The following ADGRB3 variants were observed in gnomAD, a reference collection of about 807,000 sequenced individuals.
ADGRB3 encodes brain-specific angiogenesis inhibitor 3.
ADGRB3 carries 37 observed loss-of-function variants against 193.4 expected under a neutral mutation model. That is an observed-to-expected ratio of 0.19 (90% confidence interval 0.15 to 0.25). The LOEUF (loss-of-function observed/expected upper bound fraction) is 0.25, where lower values mean the gene tolerates loss of function less well. Among genes scored for constraint, ADGRB3 ranks in the 10% least tolerant of loss-of-function variants. The pLI is 1.00. For synonymous variants in ADGRB3, 690 were observed against 644.2 expected (o/e 1.07, Z -1.08); for missense variants, 1,637 against 1,852.9 (o/e 0.88, Z 2.14).
chr6:69,220,414 A>G (rs1371254129), intron 17 of ADGRB3, among the ~76,000 whole-genome samples: 1 of 152,166 alleles, frequency 6.6e-6, no homozygotes, highest in African/African-American at 2.4e-5. Flanking sequence ...CTCCTGGATT[A>G]TGACTGTTAT....
chr6:68,641,862 A>G (rs142850478), intron 3 of ADGRB3, among the ~76,000 whole-genome samples: 7 of 152,116 alleles, frequency 4.6e-5, no homozygotes, highest in African/African-American at 1.4e-4. Flanking sequence ...ATATTATGAT[A>G]TATAAAATAC....
At chr6:68,742,436 A>G (rs564185897) in intron 3 of ADGRB3, among the ~76,000 whole-genome samples, 6 of 152,184 alleles carry the variant, frequency 3.9e-5, no homozygotes, top group African/African-American at 1.4e-4. Context: ...TAAAAGCACT[A>G]TCTATATTAA....
intron 3 of ADGRB3, among the ~76,000 whole-genome samples, chr6:68,869,701 C>T (rs1355960555): frequency 2.7e-5 from 4 of 147,206 alleles, no homozygotes; most frequent in African/African-American, 7.6e-5. Flanking sequence ...ATTTTAAATT[C>T]CAGTTTTATG....
At chr6:69,093,058 G>A (rs968423310) in intron 17 of ADGRB3, among the ~76,000 whole-genome samples, 5 of 151,488 alleles carry the variant, frequency 3.3e-5, no homozygotes, top group African/African-American at 1.2e-4. Context: ...GGGGTGGGCA[G>A]CCTAGTTTCA....
rs746274970 is a variant in ADGRB3 at position 69,239,151 on chromosome 6, A to G, written c.2739A>G (p.Ile913Met). The change falls in exon 20 of 32, where the codon ATA becomes ATG. Residue 913 changes from isoleucine to methionine, a missense_variant. Transcript: ENST00000370598. ...ACATACGCTCTGAGAGATCCATAATACTAATTAACTTCTGCCTGTCTATCA... is the reference window on the plus strand; with the variant it reads ...ACATACGCTCTGAGAGATCCATAATGCTAATTAACTTCTGCCTGTCTATCA... ...WRYIRSERSI[I>M]LINFCLSIIS... The G allele has an allele frequency of 1.9e-6, 3 of 1,603,550 alleles. No homozygotes were observed. The South Asian group carries it at 3.3e-5, about 18-fold the overall frequency.
rs533372710 is a variant in ADGRB3 at position 68,679,721 on chromosome 6, CT to C, written c.757+40298del. 4.8e-3 allele frequency among the ~76,000 whole-genome samples: 717 copies of C among 150,784 alleles called. 5 individuals carry two copies. The highest frequency in any genetic ancestry group is 8.0e-3 in the Non-Finnish European group (542 of 67,626). ...AAGTGGCTCTGATAAGCAGGGCCAT[CT>C]TTTTTTTTAATAGAGAAACAAGTAA... On this transcript the variant is annotated intron_variant, in intron 3 of 31. Coordinates refer to ENST00000370598, the MANE Select transcript of ADGRB3 (RefSeq NM_001704.3).
rs140082487 is a variant in ADGRB3, at chr6:69,351,369, G to A, written c.3460-2864G>A. Reference sequence around the variant, plus strand: ...TGCCTCCCAAAGTGCTGGAATTGCAGGCATGAGCCACCACGCCCTGCCCCC... The same window carrying A: ...TGCCTCCCAAAGTGCTGGAATTGCAAGCATGAGCCACCACGCCCTGCCCCC... On this transcript the variant is annotated intron_variant, in intron 26 of 31. Transcript: ENST00000370598. 1.4e-3 allele frequency among the ~76,000 whole-genome samples: 210 copies of A among 152,032 alleles called. 6 individuals carry two copies. In the East Asian group the frequency reaches 0.038, roughly 27 times the overall value.
chr6:69,025,412 C>T (rs866828923), intron 13 of ADGRB3, among the ~76,000 whole-genome samples: 8 of 151,900 alleles, frequency 5.3e-5, no homozygotes, highest in Admixed American at 2.0e-4. Context: ...TCCTTTGTGT[C>T]GCTGCTTAGT....
intron 3 of ADGRB3, among the ~76,000 whole-genome samples, chr6:68,883,521 C>T (rs1562070228): frequency 1.3e-5 from 2 of 152,168 alleles, no homozygotes; most frequent in African/African-American, 2.4e-5. Context: ...AGCTGTAACA[C>T]TCACCACAAA....
At chr6:69,222,004 T>C (rs910477501) in intron 17 of ADGRB3, among the ~76,000 whole-genome samples, 9 of 152,194 alleles carry the variant, frequency 5.9e-5, no homozygotes, top group Non-Finnish European at 7.3e-5. Context: ...AAGAAATTCA[T>C]GGTGAAAATC....
At chr6:68,814,507 A>G (rs1767586487) in intron 3 of ADGRB3, among the ~76,000 whole-genome samples, 1 of 151,904 alleles carries the variant, frequency 6.6e-6, no homozygotes, top group African/African-American at 2.4e-5. Flanking sequence ...TTGCCTGTTC[A>G]CTCTGATGGT....
chr6:69,262,060 G>A (rs895841981), intron 20 of ADGRB3, among the ~76,000 whole-genome samples: 1 of 151,918 alleles, frequency 6.6e-6, no homozygotes, highest in Non-Finnish European at 1.5e-5. Flanking sequence ...GCATCTTAAT[G>A]TATCATAAAG....
chr6:68,903,288 CTT>C (rs1457974275), intron 3 of ADGRB3, among the ~76,000 whole-genome samples: 1 of 152,046 alleles, frequency 6.6e-6, no homozygotes, highest in Non-Finnish European at 1.5e-5. Context: ...CTCTAAATCT[CTT>C]ATTACTTAAA....
chr6:68,941,967 C>T (rs547142730), intron 5 of ADGRB3, among the ~76,000 whole-genome samples: 5 of 150,134 alleles, frequency 3.3e-5, no homozygotes, highest in Admixed American at 1.3e-4. Context: ...CTTTTGTTTT[C>T]CCAAAATTTT....
chr6:69,229,036 T>C (rs1347838445), intron 17 of ADGRB3, among the ~76,000 whole-genome samples: 1 of 152,166 alleles, frequency 6.6e-6, no homozygotes, highest in East Asian at 1.9e-4. Context: ...TCAGGTAATT[T>C]TAATGTACAT....
intron 3 of ADGRB3, among the ~76,000 whole-genome samples, chr6:68,675,173 G>A (rs1769059697): frequency 6.6e-6 from 1 of 152,170 alleles, no homozygotes; most frequent in Non-Finnish European, 1.5e-5. Flanking sequence ...GAAAGGGCAG[G>A]AGAAGCTGGA....
At chr6:68,738,589 G>A (rs961879388) in intron 3 of ADGRB3, among the ~76,000 whole-genome samples, 2 of 152,130 alleles carry the variant, frequency 1.3e-5, no homozygotes, top group African/African-American at 4.8e-5. Flanking sequence ...GCTATGTTTT[G>A]AGGGAAGAAC....
In ADGRB3 at chr6:69,018,374, T is replaced by C; in HGVS notation, c.1999-17T>C. 1 of 1,521,774 alleles carries C rather than the reference T, an allele frequency of 6.6e-7. No homozygotes were observed. Among genetic ancestry groups the C allele is most frequent in the Non-Finnish European group, 9.0e-7 (1 of 1,106,240 alleles). 94.3% of individuals were successfully genotyped at this position (1,521,774 alleles called of 1,614,324 possible). A position where few individuals can be genotyped will look rare whatever the true frequency, so the allele number is the denominator to read the frequency against. ...TATAGATTTTTTATTCCTTCTAACC[T>C]TTGCTTATTTTTCTAGATTTATCCA... On this transcript the variant is annotated splice_polypyrimidine_tract_variant and intron_variant, in intron 12 of 31. Coordinates refer to ENST00000370598, the MANE Select transcript of ADGRB3 (RefSeq NM_001704.3).
chr6:69,297,997 A>G (rs1190564807), intron 20 of ADGRB3, among the ~76,000 whole-genome samples: 1 of 151,998 alleles, frequency 6.6e-6, no homozygotes, highest in Non-Finnish European at 1.5e-5. Context: ...TCGTTCTCAC[A>G]TTATTCTTGA....
Sources: allele counts gnomAD v4.1 joint callset (sites outside exome capture counted in the v4.1 genomes callset), GRCh38; gene constraint gnomAD v4.1.1; transcripts MANE v1.5; gene names NCBI Gene and HGNC (gene_info 2026-07-23, HGNC 2026-07-21).